CACNA1H: variants seen among roughly 807,000 people sequenced by gnomAD.
The protein encoded by CACNA1H is voltage-dependent T-type calcium channel subunit alpha-1H.
In CACNA1H, 149 loss-of-function variants were observed where a neutral mutation model predicts 192.5. That is an observed-to-expected ratio of 0.77 (90% CI 0.68 to 0.89). The LOEUF is 0.89. Among genes scored for constraint, CACNA1H ranks in the 40% least tolerant of loss-of-function variants. The pLI, the probability that CACNA1H is intolerant of heterozygous loss-of-function variation, is 0.00. For synonymous variants in CACNA1H, 2,202 were observed against 1,475.2 expected, an observed-to-expected ratio of 1.49 and a Z score of -11.29; for missense variants, 4,257 against 3,423.5, an observed-to-expected ratio of 1.24 and a Z score of -6.08.
chr16:1,212,420 C>T (rs1969562965), intron 25 of CACNA1H, 91 bp from the exon 26 acceptor site: 2 of 1,365,002 alleles, frequency 1.5e-6, no homozygotes, highest in Non-Finnish European at 2.0e-6. Flanking sequence ...AGCACAGCCC[C>T]CGAGACACGG....
chr16:1,206,849 G>A (rs893664673), intron 12 of CACNA1H, 152 bp from the exon 13 acceptor site: 37 of 578,618 alleles, frequency 6.4e-5, no homozygotes, highest in Non-Finnish European at 9.8e-5. Flanking sequence ...TAGAGAGCTC[G>A]GGCGCCCAGG....
intron 21 of CACNA1H, 98 bp downstream of exon 21, chr16:1,211,069 C>A: frequency 6.4e-7 from 1 of 1,557,268 alleles, no homozygotes. Flanking sequence ...TGTTCGCAGG[C>A]CGCCCACTCG....
At chr16:1,203,924 C>A in intron 9 of CACNA1H, 86 bp from the exon 10 acceptor site, 1 of 975,430 alleles carries the variant, frequency 1.0e-6, no homozygotes, top group Non-Finnish European at 1.5e-6. Context: ...ACACATTCAC[C>A]CCACCGCTCC....
chr16:1,206,142 C>A lies in CACNA1H; in HGVS notation c.2642C>A (p.Ser881Tyr). ...GTGGGGCAGGCGGACGGTGGCTTGT[C>A]TGTGCTGCGCACCTTCCGGCTGCTG... is the stretch of plus-strand genomic sequence containing the variant. ...EIVGQADGGL[S>Y]VLRTFRLLRV... The change falls in exon 12 of 35, where the codon TCT (serine) becomes TAT (tyrosine). Residue 881 changes from serine (S) to tyrosine (Y), a missense_variant. Ser to Tyr is a moderately radical substitution (Grantham distance 144). Coordinates refer to ENST00000348261, the MANE Select transcript of CACNA1H (RefSeq NM_021098.3). The A allele has an allele frequency of 6.3e-7, 1 of 1,586,466 alleles. No individual in the cohort carries two copies. The highest frequency in any genetic ancestry group is 1.2e-5 in the South Asian group (1 of 86,506).
chr16:1,219,103 C>G lies in CACNA1H; in HGVS notation c.6021C>G (p.Pro2007=), dbSNP rs1299185964. Residue 2007 remains proline, a synonymous_variant, in exon 34 of 35, where the codon CCC becomes CCG. Transcript: ENST00000348261. The part of the protein sequence containing the change: ...ALSPRGTARS[P]SLSRLLCRQE... ...CCCCTCGGGGCACAGCCCGCTCCCCCAGTCTCAGCCGGCTGCTCTGCAGAC... is the reference window on the plus strand; with the variant it reads ...CCCCTCGGGGCACAGCCCGCTCCCCGAGTCTCAGCCGGCTGCTCTGCAGAC... 5 of 1,545,558 alleles carry G rather than the reference C, an allele frequency of 3.2e-6. No individual in the cohort carries two copies. Among genetic ancestry groups the G allele is most frequent in the Non-Finnish European group, 4.4e-6 (5 of 1,144,200 alleles).
At chr16:1,182,438 G>A (rs7198337) in intron 2 of CACNA1H, among the ~76,000 whole-genome samples, 4,223 of 152,244 alleles carry the variant, frequency 0.028, 147 homozygotes, top group African/African-American at 0.075. Flanking sequence ...GCACCCCTGC[G>A]CTGGGGGCGG....
chr16:1,218,868 C>A, intron 33 of CACNA1H, 102 bp from the exon 34 acceptor site: 1 of 1,288,812 alleles, frequency 7.8e-7, no homozygotes, highest in Non-Finnish European at 1.1e-6. Context: ...TGGGGCTGGC[C>A]AGGAAGGAGG....
At position 1,200,274 on chromosome 16, in the gene CACNA1H, C is replaced by T. The variant is rs535504262; in HGVS notation, c.822C>T (p.Phe274=). 1.8e-5 allele frequency: 29 copies of T among 1,601,708 alleles called. No homozygotes were observed. The highest frequency in any genetic ancestry group is 6.8e-5 in the Admixed American group (4 of 58,768). Residue 274 remains phenylalanine (F), a synonymous_variant, in exon 7 of 35, where the codon TTC becomes TTT. Coordinates refer to ENST00000348261, the MANE Select transcript of CACNA1H (RefSeq NM_021098.3). ...TCCCCAGGAACAACAACCTGACCTTCCTGCGGCCGTACTACCAGACGGAGG... is the reference window on the plus strand; with the variant it reads ...TCCCCAGGAACAACAACCTGACCTTTCTGCGGCCGTACTACCAGACGGAGG... ...SAFVRNNNLT[F]LRPYYQTEEG...
At position 1,167,858 on chromosome 16, in the gene CACNA1H, G is replaced by A. The variant is rs866417007; in HGVS notation, c.299+13822G>A. 2.6e-4 allele frequency among the ~76,000 whole-genome samples: 39 copies of A among 152,286 alleles called. No individual in the cohort carries two copies. Among genetic ancestry groups the A allele is most frequent in the African/African-American group, 8.9e-4 (37 of 41,572 alleles). On this transcript the variant is annotated intron_variant, in intron 2 of 34. Coordinates refer to ENST00000348261, the MANE Select transcript of CACNA1H (RefSeq NM_021098.3). This position sits in a 1 kb window ranked among gnomAD's most constrained non-coding sequence, Gnocchi z 4.2. The stretch of plus-strand genomic sequence containing the variant: ...TGGGGCGTGGCCTGGCCGTCCGTCC[G>A]CGGGGCCCGGGCTGCCCATGGCAGC...
chr16:1,195,833 G>C, intron 4 of CACNA1H, 93 bp from the exon 5 acceptor site: 18 of 1,072,782 alleles, frequency 1.7e-5, no homozygotes, highest in Non-Finnish European at 2.6e-5. Flanking sequence ...GGGCTGGCCG[G>C]TTCTATGCCT....
At chr16:1,157,352 A>G (rs1365835245) in intron 2 of CACNA1H, among the ~76,000 whole-genome samples, 3 of 152,196 alleles carry the variant, frequency 2.0e-5, no homozygotes, top group Non-Finnish European at 4.4e-5. Flanking sequence ...AGGATATATC[A>G]AGGTCATCGG....
chr16:1,217,706 C>G (rs1970145296), intron 31 of CACNA1H, among the ~76,000 whole-genome samples: 1 of 152,260 alleles, frequency 6.6e-6, no homozygotes, highest in Admixed American at 6.5e-5. Flanking sequence ...AGCCCCAGCC[C>G]AGGTGCGGCA....
chr16:1,185,100 TC>T (rs1965852072), intron 2 of CACNA1H, among the ~76,000 whole-genome samples: 1 of 152,342 alleles, frequency 6.6e-6, no homozygotes, highest in African/African-American at 2.4e-5. Flanking sequence ...TGCGGGACTT[TC>T]CGTGTGACAT....
At chr16:1,179,676 G>A (rs1245455311) in intron 2 of CACNA1H, among the ~76,000 whole-genome samples, 5 of 150,458 alleles carry the variant, frequency 3.3e-5, no homozygotes, top group African/African-American at 1.2e-4. Context: ...TGATCCACCC[G>A]CCTCAGCCTC....
At chr16:1,216,826 AGGT>A (rs753241143) in intron 30 of CACNA1H, 103 bp from the exon 31 acceptor site, 2 of 888,786 alleles carry the variant, frequency 2.3e-6, no homozygotes, top group Non-Finnish European at 3.7e-6. Flanking sequence ...ACCTGGAAGA[AGGT>A]GGGCAGGTGG....
chr16:1,198,741 G>T lies in CACNA1H; in HGVS notation c.770G>T (p.Arg257Leu), dbSNP rs758283392. 1.2e-6 allele frequency: 2 copies of T among 1,612,714 alleles called. No homozygotes were observed. The highest frequency in any genetic ancestry group is 1.7e-6 in the Non-Finnish European group (2 of 1,179,518). The change falls in exon 6 of 35, where the codon CGG becomes CTG. Residue 257 changes from arginine to leucine, a missense_variant. Arg to Leu is a moderately radical substitution (Grantham distance 102). Coordinates refer to ENST00000348261, the MANE Select transcript of CACNA1H (RefSeq NM_021098.3). ...GTCCAGCTCTGGGCTGGCCTCCTGC[G>T]GAACCGCTGCTTCCTGGACAGTGCC... The part of the protein sequence containing the change: ...VGVQLWAGLL[R>L]NRCFLDSAFV...
In CACNA1H at chr16:1,205,232, A is replaced by G; in HGVS notation, c.2570A>G (p.Tyr857Cys). Reference protein sequence around the residue: ...CGPLGYIRNPYNIFDGIIVVI... With the variant: ...CGPLGYIRNPCNIFDGIIVVI... ...CCTCTGGGCTACATCCGGAACCCGT[A>G]CAACATCTTCGACGGCATCATCGTG... Residue 857 changes from tyrosine (Y) to cysteine (C), a missense_variant, in exon 11 of 35, where the codon TAC becomes TGC. By Grantham distance (194) the Tyr-to-Cys change is radical (BLOSUM62 -2). Coordinates refer to ENST00000348261, the MANE Select transcript of CACNA1H (RefSeq NM_021098.3). 1 of 1,611,900 alleles carries G rather than the reference A, an allele frequency of 6.2e-7. No homozygotes were observed. Among genetic ancestry groups the G allele is most frequent in the South Asian group, 1.1e-5 (1 of 91,048 alleles).
chr16:1,211,787 C>T lies in CACNA1H; in HGVS notation c.4548C>T (p.Ala1516=), dbSNP rs986374718. 6 of 1,612,498 alleles carry T rather than the reference C, an allele frequency of 3.7e-6. No individual in the cohort carries two copies. The highest frequency in any genetic ancestry group is 1.3e-5 in the African/African-American group (1 of 74,926). ...WVNIMYDGLD[A]VGVDQQPVQN... is the part of the protein sequence containing the mutation. The stretch of plus-strand genomic sequence containing the variant: ...ACATCATGTACGACGGGCTGGATGC[C>T]GTGGGTGTCGACCAGCAGGTGCGCA... Residue 1516 remains alanine (A), a synonymous_variant, in exon 24 of 35, where the codon GCC becomes GCT. Coordinates refer to ENST00000348261, the MANE Select transcript of CACNA1H (RefSeq NM_021098.3).
At chr16:1,205,721 C>T (rs184607054) in intron 11 of CACNA1H, among the ~76,000 whole-genome samples, 19 of 152,334 alleles carry the variant, frequency 1.2e-4, no homozygotes, top group South Asian at 1.0e-3. Flanking sequence ...GGACGCTCAT[C>T]CCTCAAGAGT....
Sources: gnomAD v4.1 joint callset for allele counts (sites outside exome capture counted in the v4.1 genomes callset) on GRCh38, gnomAD v4.1.1 for gene constraint, Gnocchi (gnomAD v3.1) non-coding constraint, MANE v1.5 for transcripts, NCBI Gene and HGNC (gene_info 2026-07-23, HGNC 2026-07-21) for gene names.